B3GALT1: variants seen among roughly 807,000 people sequenced by gnomAD.
B3GALT1 encodes beta-1,3-galactosyltransferase 1.
A neutral mutation model predicts 23.2 loss-of-function variants in B3GALT1; 10 were observed. That is an observed-to-expected ratio of 0.43 (90% CI 0.27 to 0.73). The LOEUF (loss-of-function observed/expected upper bound fraction) is 0.73, where lower values mean the gene tolerates loss of function less well. Among genes scored for constraint, B3GALT1 ranks in the 30% least tolerant of loss-of-function variants. The pLI is 0.21. For synonymous variants in B3GALT1, 156 were observed against 141.5 expected, an observed-to-expected ratio of 1.10 and a Z score of -0.73; for missense variants, 299 against 405.4, an observed-to-expected ratio of 0.74 and a Z score of 2.25.
intron 1 of B3GALT1, among the ~76,000 whole-genome samples, chr2:167,362,059 CCGAGACT>C (rs1397487332): frequency 6.6e-6 from 1 of 151,940 alleles, no homozygotes; most frequent in African/African-American, 2.4e-5. Flanking sequence ...GGGTGACAGA[CCGAGACT>C]CCATCTCAAA....
intron 1 of B3GALT1, among the ~76,000 whole-genome samples, chr2:167,321,973 A>C (rs1444340431): frequency 6.6e-6 from 1 of 152,018 alleles, no homozygotes; most frequent in African/African-American, 2.4e-5. Context: ...AGTAGAATCT[A>C]ATTTTTCAAT....
chr2:167,482,216 A>G (rs776859074), intron 1 of B3GALT1, among the ~76,000 whole-genome samples: 3 of 152,210 alleles, frequency 2.0e-5, no homozygotes, highest in Non-Finnish European at 4.4e-5. Flanking sequence ...TAATATTACT[A>G]AACTCAAATG....
intron 1 of B3GALT1, among the ~76,000 whole-genome samples, chr2:167,461,283 A>G (rs1326784247): frequency 6.6e-6 from 1 of 152,240 alleles, no homozygotes; most frequent in Non-Finnish European, 1.5e-5. Flanking sequence ...GTACTGTGCT[A>G]ATAGCCAAAA....
intron 2 of B3GALT1, among the ~76,000 whole-genome samples, chr2:167,505,853 A>T (rs1418815587): frequency 1.3e-5 from 2 of 152,158 alleles, no homozygotes; most frequent in African/African-American, 4.8e-5. Context: ...TGAGGCCAGG[A>T]GTTCGAGACC....
At chr2:167,607,592 TTATC>T (rs1344349710) in intron 2 of B3GALT1, among the ~76,000 whole-genome samples, 1 of 152,108 alleles carries the variant, frequency 6.6e-6, no homozygotes, top group Non-Finnish European at 1.5e-5. Context: ...AGAAAAGAAT[TTATC>T]TATATGTACT....
chr2:167,499,877 G>T (rs1699828875), intron 2 of B3GALT1, among the ~76,000 whole-genome samples: 1 of 152,064 alleles, frequency 6.6e-6, no homozygotes, highest in Non-Finnish European at 1.5e-5. Flanking sequence ...GTATGTGGCT[G>T]GGCTGGAATC....
At chr2:167,485,535 G>C (rs1699614898) in intron 1 of B3GALT1, among the ~76,000 whole-genome samples, 1 of 152,152 alleles carries the variant, frequency 6.6e-6, no homozygotes, top group South Asian at 2.1e-4. Context: ...TATGTATACA[G>C]TTGTCATAGC....
chr2:167,834,032 T>G (rs186242484), intron 4 of B3GALT1, among the ~76,000 whole-genome samples: 2 of 152,326 alleles, frequency 1.3e-5, no homozygotes, highest in Admixed American at 6.5e-5. Context: ...AGAACTCTAT[T>G]GCAGAGTAGA....
Position 167,457,992 on chromosome 2 carries a change from A to G in B3GALT1, c.-510-32185A>G, listed in dbSNP as rs192208939. On this transcript the variant is annotated intron_variant, in intron 1 of 4. Coordinates refer to ENST00000392690, the MANE Select transcript of B3GALT1 (RefSeq NM_020981.4). Reference sequence around the variant, plus strand: ...TAACATAAAATTTGCCATGTTAACAATTTTACAGTATGCAATTCAATGTTA... The same window carrying G: ...TAACATAAAATTTGCCATGTTAACAGTTTTACAGTATGCAATTCAATGTTA... Among the ~76,000 whole-genome samples the G allele has an allele frequency of 1.1e-3, 167 of 152,278 alleles. 1 individual carries two copies. Among genetic ancestry groups the G allele is most frequent in the African/African-American group, 3.5e-3 (147 of 41,550 alleles).
intron 2 of B3GALT1, among the ~76,000 whole-genome samples, chr2:167,511,828 T>C (rs1700009127): frequency 6.6e-6 from 1 of 152,120 alleles, no homozygotes; most frequent in Non-Finnish European, 1.5e-5. Flanking sequence ...AAATAACTAA[T>C]AAGATGGACT....
intron 1 of B3GALT1, among the ~76,000 whole-genome samples, chr2:167,437,156 A>C (rs1382140807): frequency 6.6e-6 from 1 of 152,160 alleles, no homozygotes; most frequent in African/African-American, 2.4e-5. Flanking sequence ...TCCGTACCAA[A>C]GTGTTCTGGA....
chr2:167,698,748 A>C (rs1558952223), intron 3 of B3GALT1, among the ~76,000 whole-genome samples: 1 of 152,236 alleles, frequency 6.6e-6, no homozygotes, highest in South Asian at 2.1e-4. Context: ...ATGATTATGC[A>C]CAATAAAATA....
chr2:167,470,197 T>C (rs2105330429), intron 1 of B3GALT1, among the ~76,000 whole-genome samples: 1 of 152,260 alleles, frequency 6.6e-6, no homozygotes, highest in East Asian at 1.9e-4. Context: ...ATTAATTTAA[T>C]AATATCAAGA....
At chr2:167,429,280 CAAAA>C (rs59299487) in intron 1 of B3GALT1, among the ~76,000 whole-genome samples, 2 of 88,856 alleles carry the variant, frequency 2.3e-5, no homozygotes, top group Non-Finnish European at 2.5e-5. Context: ...GACTCTGTCT[CAAAA>C]AAAAAAAAAA....
rs149089605 is a variant in B3GALT1 at position 167,726,707 on chromosome 2, A to G, written c.-352+79741A>G. ...GAATCAAGGCCCAGAGAAATTAATA[A>G]CATGTCTAATTTAACACAACTGGTA... On this transcript the variant is annotated intron_variant, in intron 3 of 4. Coordinates refer to ENST00000392690, the MANE Select transcript of B3GALT1 (RefSeq NM_020981.4). 3.2e-3 allele frequency among the ~76,000 whole-genome samples: 488 copies of G among 152,338 alleles called. 2 individuals carry two copies. The highest frequency in any genetic ancestry group is 4.2e-3 in the Non-Finnish European group (283 of 68,032).
chr2:167,609,688 A>G (rs982608078), intron 2 of B3GALT1, among the ~76,000 whole-genome samples: 13 of 152,168 alleles, frequency 8.5e-5, no homozygotes, highest in African/African-American at 3.1e-4. Context: ...CTCATTGTCC[A>G]TTATTGTGCT....
intron 4 of B3GALT1, among the ~76,000 whole-genome samples, chr2:167,851,215 A>G (rs1448271217): frequency 6.6e-6 from 1 of 152,198 alleles, no homozygotes; most frequent in East Asian, 1.9e-4. Context: ...GGTTAAAAAA[A>G]TCAAGAATAA....
intron 3 of B3GALT1, among the ~76,000 whole-genome samples, chr2:167,699,110 T>G (rs1358918488): frequency 1.3e-5 from 2 of 152,180 alleles, no homozygotes; most frequent in African/African-American, 4.8e-5. Context: ...TTCTAACTTT[T>G]TCGGTTACGG....
At chr2:167,650,438 G>C (rs1419401013) in intron 3 of B3GALT1, among the ~76,000 whole-genome samples, 2 of 151,350 alleles carry the variant, frequency 1.3e-5, no homozygotes, top group South Asian at 2.1e-4. Flanking sequence ...CAAGTATTTT[G>C]TTGAGAATTT....
Sources: gnomAD v4.1 joint callset for allele counts (sites outside exome capture counted in the v4.1 genomes callset) on GRCh38, gnomAD v4.1.1 for gene constraint, MANE v1.5 for transcripts, NCBI Gene and HGNC (gene_info 2026-07-23, HGNC 2026-07-21) for gene names.